PIP5K1B: variants seen among roughly 807,000 people sequenced by gnomAD.
PIP5K1B encodes the protein phosphatidylinositol-4-phosphate 5-kinase type 1 beta, also known as phosphatidylinositol 4-phosphate 5-kinase type-1 beta.
PIP5K1B carries 42 observed loss-of-function variants against 67.0 expected under a neutral mutation model. The ratio of observed to expected loss-of-function variants is 0.63; its 90% confidence interval spans 0.49 to 0.81. The LOEUF (loss-of-function observed/expected upper bound fraction) is 0.81, where lower values mean the gene tolerates loss of function less well. PIP5K1B is among the 30% of genes least tolerant of loss of function. The pLI is 0.00. For synonymous variants in PIP5K1B, 214 were observed against 231.4 expected, an observed-to-expected ratio of 0.92 and a Z score of 0.68; for missense variants, 459 against 646.3, an observed-to-expected ratio of 0.71 and a Z score of 3.14.
At chr9:68,742,392 T>A (rs982895267) in intron 1 of PIP5K1B, 109 bp from the exon 2 acceptor site, 1 of 152,230 alleles carries the variant, frequency 6.6e-6, no homozygotes, top group African/African-American at 2.4e-5. Context: ...TAACCACCAT[T>A]TGAGCCCTTA....
chr9:68,813,770 A>T (rs1258801418), intron 2 of PIP5K1B, among the ~76,000 whole-genome samples: 1 of 152,182 alleles, frequency 6.6e-6, no homozygotes, highest in African/African-American at 2.4e-5. Context: ...CTGGAGTAAC[A>T]CAGTGGCAAG....
At chr9:68,804,784 G>A (rs1160607771) in intron 2 of PIP5K1B, among the ~76,000 whole-genome samples, 1 of 152,050 alleles carries the variant, frequency 6.6e-6, no homozygotes, top group Non-Finnish European at 1.5e-5. Context: ...CCTCTCTGTT[G>A]CCTTCGTTTT....
chr9:68,820,218 T>C (rs2132062596), intron 3 of PIP5K1B, among the ~76,000 whole-genome samples: 1 of 152,358 alleles, frequency 6.6e-6, no homozygotes, highest in African/African-American at 2.4e-5. Context: ...TATTTTACCC[T>C]GAGCCTGATA....
chr9:68,717,910 C>T (rs550701529), intron 1 of PIP5K1B, among the ~76,000 whole-genome samples: 3 of 152,254 alleles, frequency 2.0e-5, no homozygotes, highest in African/African-American at 7.2e-5. Context: ...TGTTGTGTTC[C>T]CTCCCAACTC....
intron 2 of PIP5K1B, among the ~76,000 whole-genome samples, chr9:68,751,200 G>A (rs1268846294): frequency 6.6e-6 from 1 of 152,208 alleles, no homozygotes; most frequent in African/African-American, 2.4e-5. Context: ...ATGAAATAAT[G>A]TATAGAAAGC....
chr9:68,776,968 T>A (rs995918955), intron 2 of PIP5K1B, among the ~76,000 whole-genome samples: 2 of 152,226 alleles, frequency 1.3e-5, no homozygotes, highest in Admixed American at 6.5e-5. Flanking sequence ...AACATTTTAA[T>A]TCTATCAAAT....
In PIP5K1B at chr9:69,008,939, A is replaced by T. The variant is rs955305991; in HGVS notation, c.*490A>T. 1.9e-5 allele frequency: 3 copies of T among 158,806 alleles called. No homozygotes were observed. The highest frequency in any genetic ancestry group is 7.2e-5 in the African/African-American group (3 of 41,542). The allele number at this position is 158,806 out of a possible 1,614,324, so 9.8% of individuals were successfully genotyped here. ...AAATTGGTTTCATTTAAAGATCAATATACTAGGTCTGCCTTCACTTTATAG... is the reference window on the plus strand; with the variant it reads ...AAATTGGTTTCATTTAAAGATCAATTTACTAGGTCTGCCTTCACTTTATAG... On this transcript the variant is annotated 3_prime_UTR_variant, in exon 16 of 16. Transcript: ENST00000265382.
intron 1 of PIP5K1B, among the ~76,000 whole-genome samples, chr9:68,714,860 C>T (rs1827557286): frequency 6.6e-6 from 1 of 152,172 alleles, no homozygotes; most frequent in African/African-American, 2.4e-5. Context: ...TAAGAGTTCT[C>T]CGGCAGTTCC....
intron 4 of PIP5K1B, among the ~76,000 whole-genome samples, chr9:68,839,614 G>T (rs191350457): frequency 1.6e-4 from 24 of 152,272 alleles, no homozygotes; most frequent in Admixed American, 3.3e-4. Flanking sequence ...TTGGCAAAGT[G>T]AATACAACAG....
In PIP5K1B at chr9:68,917,110, C is replaced by T. The variant is rs1826141432; in HGVS notation, c.772-438C>T. On this transcript the variant is annotated intron_variant, in intron 8 of 15. Coordinates refer to ENST00000265382, the MANE Select transcript of PIP5K1B (RefSeq NM_003558.4). ...ACACCGGAGTTGACTGCTTGGGTCT[C>T]TGTCACTTATGTGCTGTGTGATATT... Among the ~76,000 whole-genome samples the T allele has an allele frequency of 2.0e-5, 3 of 152,314 alleles. No homozygotes were observed. The South Asian group carries it at 6.2e-4, about 32-fold the overall frequency.
intron 8 of PIP5K1B, among the ~76,000 whole-genome samples, chr9:68,915,623 C>T (rs1247858108): frequency 6.6e-6 from 1 of 152,134 alleles, no homozygotes; most frequent in African/African-American, 2.4e-5. Context: ...TCCCTTCCTC[C>T]TCCAACTTGA....
rs1829287193 is a variant in PIP5K1B, at chr9:68,970,215, T to C, written c.1503-20925T>C. Among the ~76,000 whole-genome samples, 3 of 152,346 alleles carry C rather than the reference T, an allele frequency of 2.0e-5. No homozygotes were observed. In the South Asian group the frequency reaches 6.2e-4, roughly 32 times the overall value. ...GTAACTTTCTAAAATCATTGACTGA[T>C]AAAATCTAAAATTGTTTAAAGGAGC... On this transcript the variant is annotated intron_variant, in intron 14 of 15. Coordinates refer to ENST00000265382, the MANE Select transcript of PIP5K1B (RefSeq NM_003558.4).
At chr9:68,816,687 A>T (rs1833464156) in intron 2 of PIP5K1B, among the ~76,000 whole-genome samples, 1 of 152,232 alleles carries the variant, frequency 6.6e-6, no homozygotes, top group Non-Finnish European at 1.5e-5. Context: ...TGGTAAGGAA[A>T]ATATCATTAA....
chr9:68,855,921 A>G (rs751024961), intron 4 of PIP5K1B, among the ~76,000 whole-genome samples: 1 of 152,172 alleles, frequency 6.6e-6, no homozygotes, highest in Non-Finnish European at 1.5e-5. Context: ...TATTGCTTCT[A>G]TAACAAATTA....
chr9:68,963,289 G>A, intron 14 of PIP5K1B: 1 of 450,890 alleles, frequency 2.2e-6, no homozygotes. Context: ...GATCTCTTGA[G>A]TCCGGAAGTT....
chr9:68,789,381 A>G, intron 2 of PIP5K1B: 1 of 399,552 alleles, frequency 2.5e-6, no homozygotes, highest in Non-Finnish European at 4.8e-6. Flanking sequence ...CTAATTCTGA[A>G]CAGACTCCAA....
chr9:68,876,533 A>G (rs1394617411), intron 5 of PIP5K1B, 144 bp from the exon 6 acceptor site: 2 of 608,730 alleles, frequency 3.3e-6, no homozygotes, highest in Admixed American at 2.9e-5. Context: ...CCTTTATGAC[A>G]TGAACTTTGA....
intron 4 of PIP5K1B, among the ~76,000 whole-genome samples, chr9:68,839,286 A>C (rs1397423352): frequency 6.7e-6 from 1 of 149,892 alleles, no homozygotes; most frequent in East Asian, 2.0e-4. Context: ...ATGCCATTGA[A>C]GTCTCTTGAT....
At chr9:68,883,453 T>G (rs950779206) in intron 6 of PIP5K1B, among the ~76,000 whole-genome samples, 14 of 152,218 alleles carry the variant, frequency 9.2e-5, no homozygotes, top group African/African-American at 3.1e-4. Flanking sequence ...TGCCAATGAC[T>G]TAGGAAGCCA....
Sources: gnomAD v4.1 joint callset for allele counts (sites outside exome capture counted in the v4.1 genomes callset) on GRCh38, gnomAD v4.1.1 for gene constraint, MANE v1.5 for transcripts, NCBI Gene and HGNC (gene_info 2026-07-23, HGNC 2026-07-21) for gene names.